Variants in EYS observed in about 807,000 individuals in gnomAD.
EYS encodes the protein EGF-like photoreceptor maintenance factor.
Under a neutral mutation model 282.1 loss-of-function variants are expected in EYS, and 250 were observed. The observed-to-expected ratio is 0.89, with a 90% CI of 0.80 to 0.98. The LOEUF (loss-of-function observed/expected upper bound fraction) is 0.98, where lower values mean the gene tolerates loss of function less well. Ranked by LOEUF, EYS falls within the 50% of genes least tolerant of loss-of-function variation. The probability of loss-of-function intolerance (pLI) is 0.00; values close to 1 mark genes in which losing one functional copy is unlikely to be tolerated. For synonymous variants in EYS, 1,355 were observed against 1,282.9 expected, an observed-to-expected ratio of 1.06 and a Z score of -1.20; for missense variants, 4,016 against 3,709.0, an observed-to-expected ratio of 1.08 and a Z score of -2.15.
chr6:65,171,114 T>A (rs577487705), intron 12 of EYS, among the ~76,000 whole-genome samples: 3 of 151,656 alleles, frequency 2.0e-5, no homozygotes, highest in Admixed American at 6.6e-5. Context: ...ACTAATTATC[T>A]GTTACTTGAA....
At chr6:64,622,114 T>C (rs1483390457) in intron 23 of EYS, among the ~76,000 whole-genome samples, 1 of 152,168 alleles carries the variant, frequency 6.6e-6, no homozygotes. Flanking sequence ...TCCTAAATGA[T>C]GTTCAGGATG....
At chr6:64,317,756 A>T (rs1770032250) in intron 29 of EYS, among the ~76,000 whole-genome samples, 1 of 152,188 alleles carries the variant, frequency 6.6e-6, no homozygotes, top group South Asian at 2.1e-4. Context: ...ACTGTTCACA[A>T]TAGCAAAGAC....
At chr6:64,406,085 C>T (rs1773696414) in intron 28 of EYS, among the ~76,000 whole-genome samples, 1 of 152,172 alleles carries the variant, frequency 6.6e-6, no homozygotes, top group Non-Finnish European at 1.5e-5. Context: ...GTAACCAAAA[C>T]AGCATGGTAC....
At chr6:64,307,222 A>G in intron 29 of EYS, 140 bp from the exon 30 acceptor site, 1 of 540,278 alleles carries the variant, frequency 1.9e-6, no homozygotes, top group East Asian at 3.2e-5. Flanking sequence ...ATAGTACAGT[A>G]ATTCAAATAT....
At chr6:63,776,440 C>T (rs929521582) in intron 40 of EYS, among the ~76,000 whole-genome samples, 1 of 152,016 alleles carries the variant, frequency 6.6e-6, no homozygotes, top group African/African-American at 2.4e-5. Context: ...TACATCCTCT[C>T]GAATTACTCA....
rs577271876 is a variant in EYS at position 65,005,238 on chromosome 6, C to T, written c.2138-7535G>A. Reference sequence around the variant, plus strand: ...TTGCCACTCCCGATCGGGCTAAAGGCTTGCCATTGTTCCTGCACGGCTAAG... The same window carrying T: ...TTGCCACTCCCGATCGGGCTAAAGGTTTGCCATTGTTCCTGCACGGCTAAG... On this transcript the variant is annotated intron_variant, in intron 13 of 42. Coordinates refer to ENST00000503581, the MANE Select transcript of EYS (RefSeq NM_001142800.2). 1.3e-5 allele frequency among the ~76,000 whole-genome samples: 2 copies of T among 148,166 alleles called. 1 individual carries two copies. The highest frequency in any genetic ancestry group is 4.2e-4 in the East Asian group (2 of 4,706).
intron 30 of EYS, among the ~76,000 whole-genome samples, chr6:64,282,905 T>C (rs1419228205): frequency 2.0e-5 from 3 of 152,202 alleles, no homozygotes; most frequent in Admixed American, 6.5e-5. Context: ...CTGTCTCTTA[T>C]AGTTTACCAG....
At chr6:64,430,804 C>T (rs1774552303) in intron 28 of EYS, among the ~76,000 whole-genome samples, 1 of 152,126 alleles carries the variant, frequency 6.6e-6, no homozygotes, top group Admixed American at 6.6e-5. Context: ...CTAGTCCTGC[C>T]CCATTAAACC....
intron 36 of EYS, among the ~76,000 whole-genome samples, chr6:63,827,374 A>T (rs1771498492): frequency 6.6e-6 from 1 of 152,238 alleles, no homozygotes; most frequent in South Asian, 2.1e-4. Flanking sequence ...ATCAAGACAG[A>T]AAGTCAACAA....
intron 22 of EYS, among the ~76,000 whole-genome samples, chr6:64,706,831 T>C (rs1771034894): frequency 6.6e-6 from 1 of 152,118 alleles, no homozygotes; most frequent in Non-Finnish European, 1.5e-5. Context: ...TTGGTGGGGA[T>C]GTGGTAAAAA....
intron 12 of EYS, among the ~76,000 whole-genome samples, chr6:65,205,331 G>T (rs1001324704): frequency 1.3e-5 from 2 of 151,386 alleles, no homozygotes; most frequent in African/African-American, 4.8e-5. Context: ...AATGATAAAG[G>T]TTTCAATACA....
intron 2 of EYS, among the ~76,000 whole-genome samples, chr6:65,618,887 G>A: frequency 6.6e-6 from 1 of 152,006 alleles, no homozygotes; most frequent in East Asian, 1.9e-4. Context: ...ATTTCTGAGG[G>A]CTCTGTTCTG....
At chr6:64,302,964 G>A (rs1769287346) in intron 30 of EYS, among the ~76,000 whole-genome samples, 1 of 152,038 alleles carries the variant, frequency 6.6e-6, no homozygotes, top group Non-Finnish European at 1.5e-5. Context: ...ACCATGGCAT[G>A]GCTAGGACCC....
chr6:65,005,539 A>G (rs887723705), intron 13 of EYS, among the ~76,000 whole-genome samples: 5 of 147,430 alleles, frequency 3.4e-5, no homozygotes, highest in African/African-American at 1.2e-4. Context: ...ATGTTGGACC[A>G]CTTTCGCTTG....
Position 65,639,854 on chromosome 6 carries a change from C to T in EYS, c.-409G>A, listed in dbSNP as rs1407184271. 6.6e-6 allele frequency: 1 copy of T among 152,070 alleles called. No homozygotes were observed. The highest frequency in any genetic ancestry group is 1.5e-5 in the Non-Finnish European group (1 of 68,008). The allele number at this position is 152,070 out of a possible 1,614,324, so 9.4% of individuals were successfully genotyped here. A position where few individuals can be genotyped will look rare whatever the true frequency, so the allele number is the denominator to read the frequency against. ...ATAAATATGGAGCAGAGGATCCAGA[C>T]TTGACTCCCCAGGTGTAAGAGAAGA... On this transcript the variant is annotated 5_prime_UTR_variant, in exon 2 of 43. Coordinates refer to ENST00000503581, the MANE Select transcript of EYS (RefSeq NM_001142800.2).
intron 16 of EYS, among the ~76,000 whole-genome samples, chr6:64,906,028 G>A (rs1275831408): frequency 6.7e-6 from 1 of 150,016 alleles, no homozygotes; most frequent in Admixed American, 6.6e-5. Flanking sequence ...AATTTCTCTG[G>A]ATTTAAAAGC....
At chr6:64,383,461 T>A (rs1271567777) in intron 29 of EYS, among the ~76,000 whole-genome samples, 1 of 152,216 alleles carries the variant, frequency 6.6e-6, no homozygotes, top group East Asian at 1.9e-4. Context: ...CTCAGCAGAA[T>A]AGACACCAGA....
chr6:65,115,934 A>G (rs1472810385), intron 12 of EYS, among the ~76,000 whole-genome samples: 5 of 139,624 alleles, frequency 3.6e-5, no homozygotes, highest in Non-Finnish European at 4.6e-5. Context: ...TCTCAATGAA[A>G]TAACTATGTC....
intron 35 of EYS, among the ~76,000 whole-genome samples, chr6:63,878,481 A>G (rs1053577819): frequency 6.6e-6 from 1 of 152,212 alleles, no homozygotes; most frequent in Non-Finnish European, 1.5e-5. Context: ...CCATGCTCGG[A>G]GAACCACTAC....
Sources: gnomAD v4.1 joint callset for allele counts (sites outside exome capture counted in the v4.1 genomes callset) on GRCh38, gnomAD v4.1.1 for gene constraint, MANE v1.5 for transcripts, NCBI Gene and HGNC (gene_info 2026-07-23, HGNC 2026-07-21) for gene names.